TTC8: variants seen among roughly 807,000 people sequenced by gnomAD.
TTC8 encodes the protein tetratricopeptide repeat protein 8.
TTC8 carries 47 observed loss-of-function variants against 72.5 expected under a neutral mutation model. That is an observed-to-expected ratio of 0.65 (90% CI 0.51 to 0.83). The LOEUF (loss-of-function observed/expected upper bound fraction) is 0.83. Ranked by LOEUF, TTC8 falls within the 40% of genes least tolerant of loss-of-function variation. The pLI, the probability that TTC8 is intolerant of heterozygous loss-of-function variation, is 0.00. For synonymous variants in TTC8, 199 were observed against 221.4 expected (o/e 0.90, Z 0.90); for missense variants, 611 against 623.2 (o/e 0.98, Z 0.21).
At chr14:88,864,759 A>G (rs1396889508) in intron 10 of TTC8, among the ~76,000 whole-genome samples, 1 of 152,200 alleles carries the variant, frequency 6.6e-6, no homozygotes, top group Non-Finnish European at 1.5e-5. Context: ...TTGAATTTGC[A>G]TAGCTAATTT....
intron 12 of TTC8, 97 bp from the exon 13 acceptor site, chr14:88,872,233 A>C: frequency 6.5e-7 from 1 of 1,533,976 alleles, no homozygotes; most frequent in Non-Finnish European, 9.0e-7. Context: ...ATGGTACTTG[A>C]TGCTTTTTGT....
intron 8 of TTC8, among the ~76,000 whole-genome samples, chr14:88,856,283 A>G (rs937468037): frequency 2.4e-4 from 36 of 152,282 alleles, no homozygotes; most frequent in East Asian, 7.7e-4. Flanking sequence ...TCCAATAGCT[A>G]TTTGGGCATC....
chr14:88,826,018 T>C (rs2094698440), intron 1 of TTC8, among the ~76,000 whole-genome samples: 1 of 152,084 alleles, frequency 6.6e-6, no homozygotes, highest in Admixed American at 6.6e-5. Context: ...AGTCTCGCTC[T>C]GTCGCCCAGG....
chr14:88,853,183 T>TAAAGC (rs1245624389), intron 8 of TTC8, 127 bp downstream of exon 8: 2 of 706,858 alleles, frequency 2.8e-6, no homozygotes, highest in Non-Finnish European at 5.2e-6. Flanking sequence ...ACTTACTTGA[T>TAAAGC]AAAGCATTTA....
At position 88,841,106 on chromosome 14, in the gene TTC8, C is replaced by A. The variant is rs766975286; in HGVS notation, c.399C>A (p.Gly133=). The A allele has an allele frequency of 1.1e-5, 18 of 1,613,968 alleles. No individual in the cohort carries two copies. The East Asian group carries it at 4.0e-4, about 36-fold the overall frequency. Residue 133 remains glycine (G), a synonymous_variant, in exon 5 of 15, where the codon GGC becomes GGA. Transcript: ENST00000380656. ...LRPSTQSGRP[G]TMEQAIRTPR... Reference sequence around the variant, plus strand: ...CCAGCACGCAGAGTGGAAGGCCAGGCACTATGGAACAGGCTATCAGAACAC... The same window carrying A: ...CCAGCACGCAGAGTGGAAGGCCAGGAACTATGGAACAGGCTATCAGAACAC...
intron 10 of TTC8, among the ~76,000 whole-genome samples, chr14:88,868,077 G>T (rs2094918966): frequency 6.6e-6 from 1 of 152,152 alleles, no homozygotes; most frequent in Non-Finnish European, 1.5e-5. Flanking sequence ...CTTGATTACA[G>T]ATAAAAGCAG....
chr14:88,869,388 TC>T (rs1215643339), intron 10 of TTC8, among the ~76,000 whole-genome samples: 1 of 152,124 alleles, frequency 6.6e-6, no homozygotes, highest in African/African-American at 2.4e-5. Context: ...CTTTTGATCT[TC>T]CTGCTACCAC....
At chr14:88,873,718 A>C (rs530905393) in intron 13 of TTC8, among the ~76,000 whole-genome samples, 1 of 152,220 alleles carries the variant, frequency 6.6e-6, no homozygotes, top group Non-Finnish European at 1.5e-5. Context: ...AAATTGTATT[A>C]TTATAATGAT....
intron 8 of TTC8, among the ~76,000 whole-genome samples, chr14:88,854,349 G>T (rs952485150): frequency 6.6e-6 from 1 of 152,086 alleles, no homozygotes; most frequent in African/African-American, 2.4e-5. Flanking sequence ...CCATCTTTAT[G>T]ACATATTCAG....
chr14:88,860,810 C>CTT lies in TTC8; in HGVS notation c.799-400_799-399dup, dbSNP rs113496415. On this transcript the variant is annotated intron_variant, in intron 9 of 14. Coordinates refer to ENST00000380656, the MANE Select transcript of TTC8 (RefSeq NM_144596.4). Reference sequence around the variant, plus strand: ...TTTTTGAAAATTCTTTCTTCTTCTTCTTTTTTTTTTTTTGAAGACAGGGTT... The same window carrying CTT: ...TTTTTGAAAATTCTTTCTTCTTCTTCTTTTTTTTTTTTTTTGAAGACAGGGTT... Among the ~76,000 whole-genome samples, 18 of 144,896 alleles carry CTT rather than the reference C, an allele frequency of 1.2e-4. No homozygotes were observed. In the South Asian group the frequency reaches 2.4e-3, roughly 19 times the overall value.
At chr14:88,856,522 TG>T (rs1442304257) in intron 8 of TTC8, among the ~76,000 whole-genome samples, 1 of 152,140 alleles carries the variant, frequency 6.6e-6, no homozygotes, top group Non-Finnish European at 1.5e-5. Flanking sequence ...TGTTGAAAGT[TG>T]TGTGTGTTTT....
At position 88,854,751 on chromosome 14, in the gene TTC8, T is replaced by C. The variant is rs373108335; in HGVS notation, c.710+1695T>C. Among the ~76,000 whole-genome samples the C allele has an allele frequency of 1.0e-3, 157 of 152,322 alleles. 1 individual carries two copies. The highest frequency in any genetic ancestry group is 3.6e-3 in the African/African-American group (149 of 41,576). ...CCCAGGCTGGAGTGTAGTTATATGA[T>C]TGTGGCTCACTGCAGCCTCAATCTC... On this transcript the variant is annotated intron_variant, in intron 8 of 14. Coordinates refer to ENST00000380656, the MANE Select transcript of TTC8 (RefSeq NM_144596.4).
downstream of TTC8, chr14:88,880,245 G>C (rs1451182414): frequency 6.6e-6 from 1 of 152,180 alleles, no homozygotes; most frequent in African/African-American, 2.4e-5. Context: ...GCTCAGATTT[G>C]AGGGGGAAAC....
In TTC8 at chr14:88,871,966, C is replaced by T. The variant is rs996116177; in HGVS notation, c.1224+243C>T. Among the ~76,000 whole-genome samples, 1 of 152,110 alleles carries T rather than the reference C, an allele frequency of 6.6e-6. No individual in the cohort carries two copies. Among genetic ancestry groups the T allele is most frequent in the Non-Finnish European group, 1.5e-5 (1 of 68,018 alleles). ...ACTCTGAGGGCTGAGGCAGGAAGATCACTTGGGCCTAGAAGGTCAAGGCTG... is the reference window on the plus strand; with the variant it reads ...ACTCTGAGGGCTGAGGCAGGAAGATTACTTGGGCCTAGAAGGTCAAGGCTG... On this transcript the variant is annotated intron_variant, in intron 12 of 14. Transcript: ENST00000380656. The surrounding 1 kb of genome is among the most constrained non-coding windows in gnomAD (Gnocchi z 4.1).
chr14:88,832,894 TC>T (rs1283913414), intron 1 of TTC8, among the ~76,000 whole-genome samples: 2 of 152,204 alleles, frequency 1.3e-5, no homozygotes, highest in African/African-American at 4.8e-5. Context: ...TTCTGTAACT[TC>T]CATCCTTTGG....
At chr14:88,840,096 C>T (rs1297403008) in intron 3 of TTC8, 1 of 161,636 alleles carries the variant, frequency 6.2e-6, no homozygotes, top group Non-Finnish European at 1.4e-5. Flanking sequence ...CTGTGAGTGT[C>T]TGTTGGGATT....
At position 88,824,834 on chromosome 14, in the gene TTC8, T is replaced by C. The variant is rs1367903809; in HGVS notation, c.114+13T>C. 1 of 1,604,960 alleles carries C rather than the reference T, an allele frequency of 6.2e-7. No homozygotes were observed. Among genetic ancestry groups the C allele is most frequent in the Admixed American group, 1.7e-5 (1 of 59,600 alleles). ...CCCTTATGACCAGGTACCGGCCAGCTCCCGTCAGCCTGTGCATCCTGACGC... is the reference window on the plus strand; with the variant it reads ...CCCTTATGACCAGGTACCGGCCAGCCCCCGTCAGCCTGTGCATCCTGACGC... On this transcript the variant is annotated intron_variant, in intron 1 of 14. Coordinates refer to ENST00000380656, the MANE Select transcript of TTC8 (RefSeq NM_144596.4).
At chr14:88,863,245 A>G (rs961326076) in intron 10 of TTC8, among the ~76,000 whole-genome samples, 1 of 152,186 alleles carries the variant, frequency 6.6e-6, no homozygotes, top group Non-Finnish European at 1.5e-5. Context: ...ACTGGGACTC[A>G]TAGTACTCAG....
chr14:88,854,252 T>C (rs540883635), intron 8 of TTC8, among the ~76,000 whole-genome samples: 3 of 152,226 alleles, frequency 2.0e-5, no homozygotes, highest in Non-Finnish European at 4.4e-5. Context: ...AAACTCTGAT[T>C]CCTTTTGCCA....
Sources: gnomAD v4.1 joint callset for allele counts (sites outside exome capture counted in the v4.1 genomes callset) on GRCh38, gnomAD v4.1.1 for gene constraint, Gnocchi (gnomAD v3.1) non-coding constraint, MANE v1.5 for transcripts, NCBI Gene and HGNC (gene_info 2026-07-23, HGNC 2026-07-21) for gene names.